Variants in XKR6 observed in about 807,000 individuals in gnomAD.
XKR6 encodes XK related 6.
A neutral mutation model predicts 56.7 loss-of-function variants in XKR6; 22 were observed. The observed-to-expected ratio is 0.39, with a 90% CI of 0.28 to 0.55. The LOEUF is 0.55. Among genes scored for constraint, XKR6 ranks in the 20% least tolerant of loss-of-function variants. XKR6 has a pLI of 0.66. For missense variants in XKR6, 852 were observed against 889.0 expected (o/e 0.96, Z 0.53); for synonymous variants, 524 against 387.8 (o/e 1.35, Z -4.13).
At chr8:10,946,155 T>A (rs1266751621) in intron 1 of XKR6, among the ~76,000 whole-genome samples, 4 of 151,804 alleles carry the variant, frequency 2.6e-5, no homozygotes, top group African/African-American at 9.7e-5. Flanking sequence ...TGCCTGCAGG[T>A]TTCTCACAAT....
At chr8:11,100,692 T>G (rs938752491) in intron 1 of XKR6, among the ~76,000 whole-genome samples, 5 of 152,138 alleles carry the variant, frequency 3.3e-5, no homozygotes, top group African/African-American at 1.2e-4. Context: ...GATTCTCATC[T>G]TCTCAGAAAA....
intron 1 of XKR6, among the ~76,000 whole-genome samples, chr8:11,119,520 C>G (rs972233110): frequency 1.3e-5 from 2 of 152,120 alleles, no homozygotes; most frequent in Admixed American, 6.5e-5. Context: ...ATATTTAGGA[C>G]AGTTAGCTCT....
chr8:11,016,543 T>G (rs1047061539), intron 1 of XKR6, among the ~76,000 whole-genome samples: 8 of 152,170 alleles, frequency 5.3e-5, no homozygotes, highest in Non-Finnish European at 1.0e-4. Context: ...CATCCCTGCC[T>G]GGCTGCCACC....
intron 1 of XKR6, among the ~76,000 whole-genome samples, chr8:10,984,732 CTATATATATA>C (rs58774414): frequency 4.2e-5 from 2 of 47,494 alleles, no homozygotes; most frequent in Non-Finnish European, 4.2e-5. Flanking sequence ...CTCTCTCTCT[CTATATATATA>C]TATATATATA....
chr8:11,034,689 C>A (rs1300437093), intron 1 of XKR6, among the ~76,000 whole-genome samples: 1 of 152,170 alleles, frequency 6.6e-6, no homozygotes, highest in Non-Finnish European at 1.5e-5. Context: ...GACTGTCAGG[C>A]CCCTGCTGGG....
At chr8:11,137,673 G>A (rs1208215111) in intron 1 of XKR6, 4 of 456,148 alleles carry the variant, frequency 8.8e-6, no homozygotes, top group Non-Finnish European at 1.8e-5. Flanking sequence ...GCAATGTGGA[G>A]CACAAGCAGC....
intron 1 of XKR6, among the ~76,000 whole-genome samples, chr8:10,998,656 T>C (rs1798169813): frequency 1.3e-5 from 2 of 152,204 alleles, no homozygotes; most frequent in South Asian, 2.1e-4. Context: ...CCCCAGGGGA[T>C]TGGCTCTCTC....
At chr8:11,076,253 G>A (rs1800271223) in intron 1 of XKR6, among the ~76,000 whole-genome samples, 1 of 152,144 alleles carries the variant, frequency 6.6e-6, no homozygotes, top group South Asian at 2.1e-4. Flanking sequence ...TAATGGGTGT[G>A]GATTTTTAGT....
chr8:11,111,772 A>G (rs1186180485), intron 1 of XKR6: 1 of 152,224 alleles, frequency 6.6e-6, no homozygotes, highest in Admixed American at 6.5e-5. Flanking sequence ...CTACTGATTC[A>G]TCTAGTAAGT....
At chr8:11,161,012 T>C (rs1220922185) in intron 1 of XKR6, among the ~76,000 whole-genome samples, 2 of 150,966 alleles carry the variant, frequency 1.3e-5, no homozygotes, top group African/African-American at 4.9e-5. Flanking sequence ...TGGTTGTGAA[T>C]ATGGGCCCTT....
chr8:10,967,506 T>C (rs1478991900), intron 1 of XKR6, among the ~76,000 whole-genome samples: 1 of 152,164 alleles, frequency 6.6e-6, no homozygotes, highest in Admixed American at 6.5e-5. Flanking sequence ...AGGTGGACAG[T>C]GCAGGCAGCA....
chr8:10,908,481 G>T (rs1300257493), intron 2 of XKR6, among the ~76,000 whole-genome samples: 1 of 151,920 alleles, frequency 6.6e-6, no homozygotes, highest in African/African-American at 2.4e-5. Context: ...AATCTGTCAA[G>T]TCCCCTTTGC....
At chr8:10,933,725 T>C (rs1031037684) in intron 1 of XKR6, among the ~76,000 whole-genome samples, 1 of 150,206 alleles carries the variant, frequency 6.7e-6, no homozygotes, top group African/African-American at 2.5e-5. Flanking sequence ...CGGCGTTATT[T>C]CTGAGGGCTC....
chr8:11,111,892 C>A (rs1322728985), intron 1 of XKR6: 1 of 151,784 alleles, frequency 6.6e-6, no homozygotes, highest in Non-Finnish European at 1.5e-5. Flanking sequence ...AAATTGCAAA[C>A]CTAAAAAACA....
intron 1 of XKR6, among the ~76,000 whole-genome samples, chr8:10,962,023 C>A (rs930957657): frequency 3.3e-5 from 5 of 152,178 alleles, no homozygotes; most frequent in Non-Finnish European, 7.3e-5. Flanking sequence ...CATGAAAGCA[C>A]CTTCTCCACT....
Position 11,086,148 on chromosome 8 carries a change from A to ATAT in XKR6, c.764+114427_764+114428insATA, listed in dbSNP as rs71203369. Among the ~76,000 whole-genome samples, 1,105 of 120,724 alleles carry ATAT rather than the reference A, an allele frequency of 9.2e-3. 19 individuals are homozygous for ATAT. The highest frequency in any genetic ancestry group is 0.041 in the African/African-American group (1,043 of 25,700). The allele number at this position is 120,724 out of a possible 152,430, so 79.2% of individuals were successfully genotyped here. On this transcript the variant is annotated intron_variant, in intron 1 of 2. Coordinates refer to ENST00000416569, the MANE Select transcript of XKR6 (RefSeq NM_173683.4). ...TTAAAAAGAAAATATATATATATAT[A>ATAT]TTTTTTTTTAAAAAAAACAAGCATA... is the stretch of plus-strand genomic sequence containing the variant.
intron 2 of XKR6, among the ~76,000 whole-genome samples, chr8:10,908,502 G>T (rs557971229): frequency 1.3e-5 from 2 of 152,086 alleles, no homozygotes; most frequent in South Asian, 4.2e-4. Flanking sequence ...CCTCCCTGGG[G>T]TCCTCTCCTG....
intron 1 of XKR6, among the ~76,000 whole-genome samples, chr8:11,178,558 ATATATATATATATATG>A (rs1235530153): frequency 8.5e-5 from 12 of 140,406 alleles, no homozygotes; most frequent in East Asian, 8.2e-4. Flanking sequence ...ATATATATAT[ATATATATATATATATG>A]TATATATATA....
At chr8:11,103,130 T>C (rs1798546485) in intron 1 of XKR6, among the ~76,000 whole-genome samples, 1 of 152,142 alleles carries the variant, frequency 6.6e-6, no homozygotes, top group South Asian at 2.1e-4. Context: ...TTAGAAGAAA[T>C]GGCAGCTACT....
Sources: gnomAD v4.1 joint callset for allele counts (sites outside exome capture counted in the v4.1 genomes callset) on GRCh38, gnomAD v4.1.1 for gene constraint, MANE v1.5 for transcripts, NCBI Gene and HGNC (gene_info 2026-07-23, HGNC 2026-07-21) for gene names.